The following CNTNAP2 variants were observed in gnomAD, a reference collection of about 807,000 sequenced individuals.
CNTNAP2 encodes the protein contactin associated protein 2, also known as contactin-associated protein-like 2.
In CNTNAP2, 98 loss-of-function variants were observed where a neutral mutation model predicts 155.2. That is an observed-to-expected ratio of 0.63 (90% confidence interval 0.54 to 0.75). CNTNAP2 has a LOEUF of 0.75. CNTNAP2 is among the 30% of genes least tolerant of loss of function. The pLI is 0.00. For missense variants in CNTNAP2, 1,727 were observed against 1,688.1 expected (o/e 1.02, Z -0.40); for synonymous variants, 651 against 631.2 (o/e 1.03, Z -0.47).
chr7:146,830,024 G>A (rs559596517), intron 2 of CNTNAP2, among the ~76,000 whole-genome samples: 9 of 152,064 alleles, frequency 5.9e-5, no homozygotes, highest in African/African-American at 2.2e-4. Context: ...TAACAAAAAT[G>A]AATATTTTTG....
chr7:146,708,832 C>T lies in CNTNAP2; in HGVS notation c.98-65439C>T, dbSNP rs532766083. ...CGAACTCCTGACTTCAGGTGATCCACCTGCCTTGGCCTCCCAAAGTGCTGG... is the reference window on the plus strand; with the variant it reads ...CGAACTCCTGACTTCAGGTGATCCATCTGCCTTGGCCTCCCAAAGTGCTGG... On this transcript the variant is annotated intron_variant, in intron 1 of 23. Coordinates refer to ENST00000361727, the MANE Select transcript of CNTNAP2 (RefSeq NM_014141.6). 3.3e-5 allele frequency among the ~76,000 whole-genome samples: 5 copies of T among 152,008 alleles called. 1 individual carries two copies. In the South Asian group the frequency reaches 8.3e-4, roughly 25 times the overall value.
intron 12 of CNTNAP2, among the ~76,000 whole-genome samples, chr7:147,609,471 C>A (rs1452185335): frequency 2.0e-5 from 3 of 152,068 alleles, no homozygotes; most frequent in Non-Finnish European, 4.4e-5. Flanking sequence ...GCGGAACTTG[C>A]AGTGAGCCAA....
intron 8 of CNTNAP2, among the ~76,000 whole-genome samples, chr7:147,188,407 G>C (rs1369966613): frequency 1.3e-5 from 2 of 152,316 alleles, no homozygotes; most frequent in East Asian, 3.9e-4. Context: ...ATGATATTTT[G>C]TGGCAGGTAA....
At chr7:148,250,787 G>A (rs1041960492) in intron 20 of CNTNAP2, among the ~76,000 whole-genome samples, 3 of 151,106 alleles carry the variant, frequency 2.0e-5, no homozygotes, top group Non-Finnish European at 4.5e-5. Context: ...CACCGTACCC[G>A]GCCTCATTTT....
chr7:146,255,881 A>G (rs1443731657), intron 1 of CNTNAP2, among the ~76,000 whole-genome samples: 1 of 152,202 alleles, frequency 6.6e-6, no homozygotes, highest in Non-Finnish European at 1.5e-5. Flanking sequence ...AATTATGTGG[A>G]GAAGGAAAGT....
chr7:147,401,225 T>G (rs576399936), intron 10 of CNTNAP2, among the ~76,000 whole-genome samples: 1 of 152,130 alleles, frequency 6.6e-6, no homozygotes, highest in East Asian at 1.9e-4. Flanking sequence ...AGAAACAAAA[T>G]CAGTAAACAT....
chr7:146,407,853 A>G (rs1318007537), intron 1 of CNTNAP2, among the ~76,000 whole-genome samples: 1 of 152,072 alleles, frequency 6.6e-6, no homozygotes, highest in African/African-American at 2.4e-5. Flanking sequence ...TGTGAAGATG[A>G]CAAGGATGAA....
intron 14 of CNTNAP2, among the ~76,000 whole-genome samples, chr7:147,972,010 A>G (rs773830660): frequency 2.0e-5 from 3 of 152,142 alleles, no homozygotes; most frequent in Non-Finnish European, 4.4e-5. Context: ...ATCCTTGTCA[A>G]CACATGTTAT....
chr7:148,222,878 G>A (rs545790368), intron 19 of CNTNAP2, among the ~76,000 whole-genome samples: 13 of 152,284 alleles, frequency 8.5e-5, no homozygotes, highest in Middle Eastern at 3.4e-3. Flanking sequence ...GTTTGAGGTC[G>A]GCTTTGCCTT....
intron 4 of CNTNAP2, among the ~76,000 whole-genome samples, chr7:147,102,604 C>T (rs548315764): frequency 2.2e-4 from 33 of 152,172 alleles, no homozygotes; most frequent in African/African-American, 7.9e-4. Flanking sequence ...AAAGAAGAGC[C>T]TTGAGGTTTT....
At chr7:146,133,757 T>C (rs1457686421) in intron 1 of CNTNAP2, among the ~76,000 whole-genome samples, 5 of 152,228 alleles carry the variant, frequency 3.3e-5, no homozygotes, top group African/African-American at 1.2e-4. Flanking sequence ...GGCTCTGTTC[T>C]GTTCCATTGA....
intron 10 of CNTNAP2, among the ~76,000 whole-genome samples, chr7:147,402,966 A>G (rs1416912578): frequency 6.8e-6 from 1 of 147,978 alleles, no homozygotes; most frequent in Non-Finnish European, 1.5e-5. Context: ...AAAAAAAAAA[A>G]AAAAACTAGT....
chr7:148,135,782 G>T (rs1201460254), intron 16 of CNTNAP2, among the ~76,000 whole-genome samples: 1 of 145,986 alleles, frequency 6.8e-6, no homozygotes, highest in Admixed American at 7.0e-5. Context: ...CTGGGAGGGG[G>T]AGGTTGCAGT....
chr7:147,453,102 T>G (rs2116572388), intron 10 of CNTNAP2, among the ~76,000 whole-genome samples: 1 of 152,252 alleles, frequency 6.6e-6, no homozygotes, highest in South Asian at 2.1e-4. Flanking sequence ...GCATACTCCT[T>G]GCCCTCTTTT....
intron 8 of CNTNAP2, among the ~76,000 whole-genome samples, chr7:147,168,118 T>C (rs1357058056): frequency 6.7e-6 from 1 of 149,068 alleles, no homozygotes; most frequent in Non-Finnish European, 1.5e-5. Context: ...ATCTATGACA[T>C]TAGACATAAT....
At chr7:148,319,475 C>T (rs2116533296) in intron 21 of CNTNAP2, among the ~76,000 whole-genome samples, 1 of 152,236 alleles carries the variant, frequency 6.6e-6, no homozygotes, top group East Asian at 1.9e-4. Context: ...TCTGCTAGGT[C>T]AGGGGTCACC....
At chr7:147,772,008 C>T (rs79506147) in intron 13 of CNTNAP2, among the ~76,000 whole-genome samples, 1 of 150,214 alleles carries the variant, frequency 6.7e-6, no homozygotes, top group Non-Finnish European at 1.5e-5. Flanking sequence ...TTCATAAAGA[C>T]AAAAAAAATT....
chr7:148,401,169 T>C (rs940294009), intron 22 of CNTNAP2, among the ~76,000 whole-genome samples: 3 of 152,184 alleles, frequency 2.0e-5, no homozygotes, highest in Admixed American at 1.3e-4. Context: ...GCAGTGAGGC[T>C]CTCTGATCCA....
intron 1 of CNTNAP2, among the ~76,000 whole-genome samples, chr7:146,634,773 T>C (rs889427712): frequency 2.0e-5 from 3 of 152,218 alleles, no homozygotes; most frequent in African/African-American, 7.2e-5. Context: ...AAATCTTCAG[T>C]GGCACTTATA....
Sources: allele counts gnomAD v4.1 joint callset (sites outside exome capture counted in the v4.1 genomes callset), GRCh38; gene constraint gnomAD v4.1.1; transcripts MANE v1.5; gene names NCBI Gene and HGNC (gene_info 2026-07-23, HGNC 2026-07-21).